Variants in ZNF41 observed in about 807,000 individuals in gnomAD.
ZNF41 encodes the protein zinc finger protein 41.
A neutral mutation model predicts 9.3 loss-of-function variants in ZNF41; 6 were observed. That is an observed-to-expected ratio of 0.65 (90% CI 0.35 to 1.28). The LOEUF is 1.28. Among genes scored for constraint, ZNF41 ranks in the 50% most tolerant of loss-of-function variants. The probability of loss-of-function intolerance (pLI) is 0.03; values close to 1 mark genes in which losing one functional copy is unlikely to be tolerated. For missense variants in ZNF41, 523 were observed against 585.8 expected, an observed-to-expected ratio of 0.89 and a Z score of 1.11; for synonymous variants, 192 against 207.1, an observed-to-expected ratio of 0.93 and a Z score of 0.63.
chrX:47,473,750 T>C (rs1259705896), intron 1 of ZNF41, among the ~76,000 whole-genome samples: 1 of 112,330 alleles, frequency 8.9e-6, no homozygotes, highest in Non-Finnish European at 1.9e-5. Context: ...TATTTTCCTT[T>C]CTTTGAATTT....
At chrX:47,476,944 T>C (rs1247995697) in intron 1 of ZNF41, 1 of 104,201 alleles carries the variant, frequency 9.6e-6, no homozygotes, top group African/African-American at 3.5e-5. Flanking sequence ...TAATCCTAGC[T>C]ACTTGGGAGA....
rs983409867 is a variant in ZNF41, at chrX:47,445,933, G to C, written c.*1497C>G. On this transcript the variant is annotated 3_prime_UTR_variant, in exon 5 of 5. Transcript: ENST00000684689. Reference sequence around the variant, plus strand: ...CTCAATTTATATAAAATACAAAACAGGCAAAATGAATCTATGCTGTGAGAA... The same window carrying C: ...CTCAATTTATATAAAATACAAAACACGCAAAATGAATCTATGCTGTGAGAA... 1 of 110,614 alleles carries C rather than the reference G, an allele frequency of 9.0e-6. No individual in the cohort carries two copies. The highest frequency in any genetic ancestry group is 1.9e-5 in the Non-Finnish European group (1 of 52,883). 9.1% of individuals were successfully genotyped at this position (110,614 alleles called of 1,213,427 possible). A position where few individuals can be genotyped will look rare whatever the true frequency, so the allele number is the denominator to read the frequency against.
At chrX:47,469,345 C>T (rs6520272) in intron 1 of ZNF41, among the ~76,000 whole-genome samples, 1,434 of 74,662 alleles carry the variant, frequency 0.019, 44 homozygotes, top group Middle Eastern at 0.041. Flanking sequence ...AAAAAAAAGA[C>T]AGACAATTTT....
At chrX:47,466,062 A>C (rs2056972564) in intron 2 of ZNF41, among the ~76,000 whole-genome samples, 1 of 111,239 alleles carries the variant, frequency 9.0e-6, no homozygotes, top group Admixed American at 9.6e-5. Flanking sequence ...CAAAGGAAAA[A>C]ACAACTGAAA....
rs1300156018 is a variant in ZNF41, at chrX:47,458,294, G to C, written c.73-1896C>G. ...CATCATTTTAAAGTTTAAAAATACA[G>C]TTCAAAATAACTGATCGTCTAAGAA... On this transcript the variant is annotated intron_variant, in intron 2 of 4. Coordinates refer to ENST00000684689, the MANE Select transcript of ZNF41 (RefSeq NM_001324144.2). Among the ~76,000 whole-genome samples the C allele has an allele frequency of 5.4e-5, 6 of 111,781 alleles. No individual in the cohort carries two copies. In the South Asian group the frequency reaches 2.2e-3, roughly 41 times the overall value.
intron 4 of ZNF41, among the ~76,000 whole-genome samples, chrX:47,450,035 A>T (rs1175881865): frequency 9.0e-6 from 1 of 111,625 alleles, no homozygotes; most frequent in African/African-American, 3.3e-5. Context: ...CCTCTATACC[A>T]TTATGAGTGG....
intron 1 of ZNF41, among the ~76,000 whole-genome samples, chrX:47,475,582 A>C (rs777401249): frequency 9.0e-6 from 1 of 111,729 alleles, no homozygotes; most frequent in Non-Finnish European, 1.9e-5. Flanking sequence ...TAGTGGCAAA[A>C]ATTCTAAATA....
intron 2 of ZNF41, among the ~76,000 whole-genome samples, chrX:47,465,915 T>G (rs1324653730): frequency 3.6e-5 from 4 of 112,498 alleles, no homozygotes; most frequent in African/African-American, 1.3e-4. Context: ...CAAATTATGT[T>G]AAACTGCCCA....
At chrX:47,464,308 T>C (rs1176070349) in intron 2 of ZNF41, among the ~76,000 whole-genome samples, 1 of 110,941 alleles carries the variant, frequency 9.0e-6, no homozygotes, top group Non-Finnish European at 1.9e-5. Flanking sequence ...CCTTGGCTAT[T>C]CTTCATCTCT....
chrX:47,476,891 A>G (rs1339692501), intron 1 of ZNF41: 1 of 101,785 alleles, frequency 9.8e-6, no homozygotes, highest in Non-Finnish European at 2.0e-5. Context: ...CCCCATCTCT[A>G]CTAAAAGTAC....
Position 47,467,507 on chromosome X carries a change from G to T in ZNF41, c.-26C>A. The T allele has an allele frequency of 8.5e-7, 1 of 1,173,335 alleles. No homozygotes were observed. The highest frequency in any genetic ancestry group is 1.1e-6 in the Non-Finnish European group (1 of 875,187). On this transcript the variant is annotated 5_prime_UTR_variant, in exon 2 of 5. Coordinates refer to ENST00000684689, the MANE Select transcript of ZNF41 (RefSeq NM_001324144.2). Reference sequence around the variant, plus strand: ...GTTCACGCTGGGCCTCAGCCCTCAGGCTCTCCTGCTGACAACCCCACTCTT... The same window carrying T: ...GTTCACGCTGGGCCTCAGCCCTCAGTCTCTCCTGCTGACAACCCCACTCTT...
At position 47,445,623 on chromosome X, in the gene ZNF41, T is replaced by C. The variant is rs1274816525; in HGVS notation, c.*1807A>G. 8.9e-6 allele frequency among the ~76,000 whole-genome samples: 1 copy of C among 111,953 alleles called. No individual in the cohort carries two copies. The highest frequency in any genetic ancestry group is 3.2e-5 in the African/African-American group (1 of 30,794). On this transcript the variant is annotated 3_prime_UTR_variant, in exon 5 of 5. Coordinates refer to ENST00000684689, the MANE Select transcript of ZNF41 (RefSeq NM_001324144.2). The stretch of plus-strand genomic sequence containing the variant: ...TGGTTTTATAACATATAGCTGAACA[T>C]ATGGATACACTTAGGTACATACCTA...
At chrX:47,458,252 C>A (rs749364606) in intron 2 of ZNF41, among the ~76,000 whole-genome samples, 1 of 111,390 alleles carries the variant, frequency 9.0e-6, no homozygotes, top group African/African-American at 3.3e-5. Flanking sequence ...AGTAATAAGA[C>A]GAAACTTTTC....
intron 2 of ZNF41, among the ~76,000 whole-genome samples, chrX:47,460,913 G>A (rs766225104): frequency 9.0e-6 from 1 of 110,982 alleles, no homozygotes; most frequent in Non-Finnish European, 1.9e-5. Flanking sequence ...ATATGCCCAC[G>A]TGGAATATGT....
rs750381348 is a variant in ZNF41, at chrX:47,447,597, C to T, written c.2173G>A (p.Gly725Arg). The T allele has an allele frequency of 1.7e-6, 2 of 1,211,640 alleles. No homozygotes were observed. The highest frequency in any genetic ancestry group is 2.2e-6 in the Non-Finnish European group (2 of 895,433). ...GTGGCTTTCTGGATGAAAGCTTTCCCACATTTACTACATTCATAGTGTCTT... is the reference window on the plus strand; with the variant it reads ...GTGGCTTTCTGGATGAAAGCTTTCCTACATTTACTACATTCATAGTGTCTT... ...GERHYECSKC[G>R]KAFIQKATLS... Residue 725 changes from glycine (G) to arginine (R), a missense_variant, in exon 5 of 5, where the codon GGG becomes AGG. Physicochemically the swap from Gly to Arg is moderately radical, Grantham distance 125. Transcript: ENST00000684689.
intron 4 of ZNF41, among the ~76,000 whole-genome samples, 193 bp from the exon 5 acceptor site, chrX:47,449,667 T>C (rs1161597731): frequency 3.6e-5 from 4 of 112,386 alleles, no homozygotes; most frequent in African/African-American, 9.7e-5. Flanking sequence ...CCATTTATGA[T>C]GCACAGAGAC....
At chrX:47,469,310 CAAAAAAAAA>C (rs749426044) in intron 1 of ZNF41, among the ~76,000 whole-genome samples, 12 of 35,933 alleles carry the variant, frequency 3.3e-4, no homozygotes, top group African/African-American at 1.0e-3. Flanking sequence ...GACTCCGTCT[CAAAAAAAAA>C]AAAAAAAAAA....
Position 47,448,264 on chromosome X carries a change from C to G in ZNF41, c.1506G>C (p.Lys502Asn). 8.3e-7 allele frequency: 1 copy of G among 1,211,276 alleles called. No individual in the cohort carries two copies. Among genetic ancestry groups the G allele is most frequent in the Non-Finnish European group, 1.1e-6 (1 of 895,403 alleles). ...TGAGGTTTGTCCTGTGAGTGAAGAC[C>G]TTTCCACATTCTGTACATATATAGG... The part of the protein sequence containing the change: ...EKPYICTECG[K>N]VFTHRTNLTT... Residue 502 changes from lysine (K) to asparagine (N), a missense_variant, in exon 5 of 5, where the codon AAG (lysine) becomes AAC (asparagine). Transcript: ENST00000684689.
intron 2 of ZNF41, among the ~76,000 whole-genome samples, chrX:47,463,179 G>A (rs1019729962): frequency 3.6e-5 from 4 of 110,376 alleles, no homozygotes; most frequent in Non-Finnish European, 5.7e-5. Context: ...CTGGTCTGTG[G>A]ACCACACTTT....
Sources: allele counts gnomAD v4.1 joint callset (sites outside exome capture counted in the v4.1 genomes callset), GRCh38; gene constraint gnomAD v4.1.1; transcripts MANE v1.5; gene names NCBI Gene and HGNC (gene_info 2026-07-23, HGNC 2026-07-21).